TBC1D9: variants seen among roughly 807,000 people sequenced by gnomAD.
TBC1D9 encodes TBC1 domain family member 9.
A neutral mutation model predicts 132.0 loss-of-function variants in TBC1D9; 63 were observed. That is an observed-to-expected ratio of 0.48 (90% CI 0.39 to 0.59). The LOEUF is 0.59. Ranked by LOEUF, TBC1D9 falls within the 20% of genes least tolerant of loss-of-function variation. The pLI, the probability that TBC1D9 is intolerant of heterozygous loss-of-function variation, is 0.00. For synonymous variants in TBC1D9, 610 were observed against 609.9 expected (o/e 1.00, Z 0.00); for missense variants, 1,261 against 1,592.7 (o/e 0.79, Z 3.54).
chr4:140,675,653 C>T (rs1737613065), intron 6 of TBC1D9, among the ~76,000 whole-genome samples: 1 of 152,290 alleles, frequency 6.6e-6, no homozygotes. Flanking sequence ...AAGAATTGGC[C>T]TGTAAATGTA....
chr4:140,676,824 A>G (rs987476390), intron 6 of TBC1D9, 70 bp downstream of exon 6: 4 of 1,560,118 alleles, frequency 2.6e-6, no homozygotes, highest in African/African-American at 1.4e-5. Flanking sequence ...TGGTAAAAAA[A>G]TTATTCCTGG....
At chr4:140,633,870 C>T in intron 16 of TBC1D9, 78 bp downstream of exon 16, 1 of 1,552,174 alleles carries the variant, frequency 6.4e-7, no homozygotes, top group Non-Finnish European at 8.8e-7. Context: ...GCTTCTGTAG[C>T]CCTGAGGGCA....
intron 18 of TBC1D9, 58 bp downstream of exon 18, chr4:140,627,383 A>G: frequency 1.8e-6 from 2 of 1,133,800 alleles, no homozygotes; most frequent in Non-Finnish European, 2.6e-6. Flanking sequence ...TCTTTTTCCA[A>G]TAATGGAGGG....
At chr4:140,673,847 A>G (rs1445040454) in intron 6 of TBC1D9, among the ~76,000 whole-genome samples, 2 of 152,186 alleles carry the variant, frequency 1.3e-5, no homozygotes, top group African/African-American at 4.8e-5. Flanking sequence ...CCAAGATCTC[A>G]ACAGTGTACT....
intron 1 of TBC1D9, among the ~76,000 whole-genome samples, chr4:140,743,633 G>A (rs904010100): frequency 2.6e-5 from 4 of 152,176 alleles, no homozygotes; most frequent in East Asian, 1.9e-4. Context: ...CCATGAAGCA[G>A]GCATGGGCTT....
In TBC1D9 at chr4:140,657,539, G is replaced by A. The variant is rs1737292192; in HGVS notation, c.2195C>T (p.Thr732Ile). 6.2e-7 allele frequency: 1 copy of A among 1,613,478 alleles called. No homozygotes were observed. ...LNCKDDGEAM[T>I]VLGRYLDSVT... is the part of the protein sequence containing the mutation. Reference sequence around the variant, plus strand: ...CTTAGTACAATACCTTCCCAAAACGGTCATGGCCTCCCCATCATCCTTGCA... The same window carrying A: ...CTTAGTACAATACCTTCCCAAAACGATCATGGCCTCCCCATCATCCTTGCA... The change falls in exon 12 of 21, where the codon ACC (threonine) becomes ATC (isoleucine). Residue 732 changes from threonine (T) to isoleucine (I), a missense_variant. Thr to Ile is a moderately conservative substitution (Grantham distance 89). Transcript: ENST00000442267.
chr4:140,740,750 T>C (rs1738746748), intron 1 of TBC1D9, among the ~76,000 whole-genome samples: 1 of 152,078 alleles, frequency 6.6e-6, no homozygotes, highest in East Asian at 1.9e-4. Context: ...GCTTAATAAA[T>C]AGAGAGGAGT....
rs769859049 is a variant in TBC1D9 at position 140,622,145 on chromosome 4, A to G, written c.*50T>C. 26 of 1,508,444 alleles carry G rather than the reference A, an allele frequency of 1.7e-5. No homozygotes were observed. Among genetic ancestry groups the G allele is most frequent in the Middle Eastern group, 2.5e-4 (1 of 4,002 alleles). The allele number at this position is 1,508,444 out of a possible 1,614,324, so 93.4% of individuals were successfully genotyped here. A position where few individuals can be genotyped will look rare whatever the true frequency, so the allele number is the denominator to read the frequency against. ...AAAAAACTCAACACAGAAGAACATAAAAAATCCCTCCCCTCCCTCTCCTCC... is the reference window on the plus strand; with the variant it reads ...AAAAAACTCAACACAGAAGAACATAGAAAATCCCTCCCCTCCCTCTCCTCC... On this transcript the variant is annotated 3_prime_UTR_variant, in exon 21 of 21. Coordinates refer to ENST00000442267, the MANE Select transcript of TBC1D9 (RefSeq NM_015130.3).
chr4:140,713,638 C>T (rs183726989), intron 1 of TBC1D9, among the ~76,000 whole-genome samples: 3 of 151,872 alleles, frequency 2.0e-5, no homozygotes, highest in Admixed American at 1.3e-4. Context: ...ACTTGGGAGA[C>T]TGAGGCAGGA....
intron 1 of TBC1D9, among the ~76,000 whole-genome samples, chr4:140,710,801 A>C (rs1738231271): frequency 6.6e-6 from 1 of 152,202 alleles, no homozygotes; most frequent in African/African-American, 2.4e-5. Flanking sequence ...TCTACACCCT[A>C]ATCAGGACCA....
chr4:140,739,506 C>A (rs569989644), intron 1 of TBC1D9, among the ~76,000 whole-genome samples: 1 of 152,290 alleles, frequency 6.6e-6, no homozygotes, highest in South Asian at 2.1e-4. Context: ...TCAGTTTCCT[C>A]ATATATAAAG....
At chr4:140,714,700 T>C (rs10025268) in intron 1 of TBC1D9, among the ~76,000 whole-genome samples, 5,693 of 152,276 alleles carry the variant, frequency 0.037, 135 homozygotes, top group Middle Eastern at 0.099. Context: ...CCATAAGAGA[T>C]AGCTTTCCAG....
chr4:140,637,470 A>G (rs1736899246), intron 15 of TBC1D9, among the ~76,000 whole-genome samples: 1 of 151,656 alleles, frequency 6.6e-6, no homozygotes, highest in Non-Finnish European at 1.5e-5. Flanking sequence ...GTCCGCTGTC[A>G]CAGTCCTTTC....
chr4:140,753,506 T>C (rs527921555), intron 1 of TBC1D9, among the ~76,000 whole-genome samples: 1 of 152,318 alleles, frequency 6.6e-6, no homozygotes, highest in Non-Finnish European at 1.5e-5. Flanking sequence ...TGCTATTGTC[T>C]ATGTTTTTAC....
chr4:140,639,095 A>T lies in TBC1D9; in HGVS notation c.2496T>A (p.Ala832=). The change falls in exon 15 of 21, where the codon GCT becomes GCA. Residue 832 remains alanine (A), a synonymous_variant. Transcript: ENST00000442267. The part of the protein sequence containing the change: ...FTIDELEELY[A]LFKAEHLTSC... Reference sequence around the variant, plus strand: ...TTACCTTGCAACTCACCTTGAAAAGAGCATAAAGTTCTTCCAGCTCATCAA... The same window carrying T: ...TTACCTTGCAACTCACCTTGAAAAGTGCATAAAGTTCTTCCAGCTCATCAA... The T allele has an allele frequency of 6.3e-7, 1 of 1,589,776 alleles. No homozygotes were observed. Among genetic ancestry groups the T allele is most frequent in the Non-Finnish European group, 8.6e-7 (1 of 1,166,878 alleles).
At chr4:140,713,484 C>T (rs1482848175) in intron 1 of TBC1D9, among the ~76,000 whole-genome samples, 1 of 151,894 alleles carries the variant, frequency 6.6e-6, no homozygotes, top group East Asian at 1.9e-4. Flanking sequence ...GGACTGTAAT[C>T]CCAGGACTTT....
At chr4:140,633,204 G>A (rs1736826000) in intron 16 of TBC1D9, among the ~76,000 whole-genome samples, 1 of 152,216 alleles carries the variant, frequency 6.6e-6, no homozygotes, top group Non-Finnish European at 1.5e-5. Flanking sequence ...TCATAGAGTA[G>A]CACAATTAGA....
At chr4:140,755,841 G>T in intron 1 of TBC1D9, 75 bp downstream of exon 1, 1 of 1,280,614 alleles carries the variant, frequency 7.8e-7, no homozygotes, top group Non-Finnish European at 9.6e-7. Context: ...CGTCTCCCGA[G>T]CCTGCAGCCC....
chr4:140,707,687 C>A (rs1200610859), intron 1 of TBC1D9, among the ~76,000 whole-genome samples: 1 of 152,136 alleles, frequency 6.6e-6, no homozygotes, highest in African/African-American at 2.4e-5. Flanking sequence ...CTAGCCATAC[C>A]ATAACTTTTA....
Sources: gnomAD v4.1 joint callset for allele counts (sites outside exome capture counted in the v4.1 genomes callset) on GRCh38, gnomAD v4.1.1 for gene constraint, MANE v1.5 for transcripts, NCBI Gene and HGNC (gene_info 2026-07-23, HGNC 2026-07-21) for gene names.